Variants in SLC9C2 observed in about 807,000 individuals in gnomAD.
SLC9C2 encodes sodium/hydrogen exchanger 11.
Under a neutral mutation model 140.2 loss-of-function variants are expected in SLC9C2, and 75 were observed. That is an observed-to-expected ratio of 0.53 (90% CI 0.44 to 0.65). The LOEUF is 0.65. Ranked by LOEUF, SLC9C2 falls within the 30% of genes least tolerant of loss-of-function variation. The pLI, the probability that SLC9C2 is intolerant of heterozygous loss-of-function variation, is 0.00. For synonymous variants in SLC9C2, 375 were observed against 420.9 expected, an observed-to-expected ratio of 0.89 and a Z score of 1.34; for missense variants, 1,074 against 1,331.8, an observed-to-expected ratio of 0.81 and a Z score of 3.01.
rs142542878 is a variant in SLC9C2 at position 173,570,579 on chromosome 1, C to T, written c.1046+2603G>A. Among the ~76,000 whole-genome samples the T allele has an allele frequency of 1.6e-3, 236 of 152,002 alleles. 1 individual carries two copies. The highest frequency in any genetic ancestry group is 5.0e-3 in the African/African-American group (206 of 41,450). On this transcript the variant is annotated intron_variant, in intron 9 of 27. Transcript: ENST00000367714. ...TGTCTCACTAGGTCACGCACTGCCC[C>T]GGTCCACTGGCTCTGAGACCAGCAC... is the stretch of plus-strand genomic sequence containing the variant.
chr1:173,560,954 G>A (rs747952748), intron 9 of SLC9C2, among the ~76,000 whole-genome samples: 4 of 151,788 alleles, frequency 2.6e-5, no homozygotes, highest in African/African-American at 4.8e-5. Flanking sequence ...GTGCAACCAC[G>A]CCCAGCTAAT....
chr1:173,551,200 T>C (rs1414194003), intron 11 of SLC9C2, among the ~76,000 whole-genome samples: 2 of 152,174 alleles, frequency 1.3e-5, no homozygotes, highest in African/African-American at 2.4e-5. Flanking sequence ...CCTTCAACAT[T>C]ATCCTTCCTT....
intron 13 of SLC9C2, among the ~76,000 whole-genome samples, chr1:173,540,025 C>G (rs1424537626): frequency 6.6e-6 from 1 of 152,118 alleles, no homozygotes; most frequent in East Asian, 1.9e-4. Flanking sequence ...TTTGCTTTGA[C>G]TAATAAAATG....
At position 173,530,054 on chromosome 1, in the gene SLC9C2, T is replaced by G. The variant is rs780503354; in HGVS notation, c.2164A>C (p.Ile722Leu). ...RIIRFLPLFK[I>L]IVPILIRIAD... ...ATTCTTATCAGTATTGGTACTATTA[T>G]CTGGAATAATGAGAAGAAGAAAAAA... is the stretch of plus-strand genomic sequence containing the variant. Residue 722 changes from isoleucine to leucine, a missense_variant and splice_region_variant, in exon 18 of 28, where the codon ATA becomes CTA. Ile to Leu is a conservative substitution (Grantham distance 5). Coordinates refer to ENST00000367714, the MANE Select transcript of SLC9C2 (RefSeq NM_178527.4). The G allele has an allele frequency of 1.3e-6, 2 of 1,582,054 alleles. No individual in the cohort carries two copies. Among genetic ancestry groups the G allele is most frequent in the Non-Finnish European group, 1.7e-6 (2 of 1,171,452 alleles).
intron 23 of SLC9C2, among the ~76,000 whole-genome samples, chr1:173,510,605 G>A (rs888881578): frequency 5.3e-5 from 8 of 152,158 alleles, no homozygotes; most frequent in Admixed American, 3.9e-4. Context: ...CTGTTCCTGT[G>A]TAAGTTTGCT....
intron 5 of SLC9C2, among the ~76,000 whole-genome samples, chr1:173,587,201 C>A (rs538519985): frequency 5.5e-4 from 84 of 152,056 alleles, no homozygotes; most frequent in Non-Finnish European, 9.6e-4. Context: ...TGAAGATAAA[C>A]TATAAACCCC....
In SLC9C2 at chr1:173,534,834, A is replaced by G. The variant is rs570893467; in HGVS notation, c.1776-152T>C. ...CAAAAATCAAAAGCATATTTTCTAT[A>G]CATAAAAATCATAATGAAGAAAGGT... On this transcript the variant is annotated intron_variant, in intron 15 of 27. Coordinates refer to ENST00000367714, the MANE Select transcript of SLC9C2 (RefSeq NM_178527.4). 10 of 634,098 alleles carry G rather than the reference A, an allele frequency of 1.6e-5. No homozygotes were observed. The South Asian group carries it at 3.6e-4, about 23-fold the overall frequency. 39.3% of individuals were successfully genotyped at this position (634,098 alleles called of 1,614,324 possible).
At chr1:173,599,362 A>ATTTGTTTTTTTT (rs1666635971) in intron 3 of SLC9C2, among the ~76,000 whole-genome samples, 1 of 68,082 alleles carries the variant, frequency 1.5e-5, no homozygotes, top group African/African-American at 4.7e-5. Context: ...ATTTTCCTTG[A>ATTTGTTTTTTTT]TTTTTTTTTT....
intron 11 of SLC9C2, among the ~76,000 whole-genome samples, chr1:173,550,704 T>C (rs1265839450): frequency 6.6e-6 from 1 of 151,780 alleles, no homozygotes; most frequent in African/African-American, 2.4e-5. Flanking sequence ...TCCAAAGTGT[T>C]GAGATTACAG....
chr1:173,535,773 A>G, intron 15 of SLC9C2, 57 bp downstream of exon 15: 1 of 1,435,952 alleles, frequency 7.0e-7, no homozygotes, highest in South Asian at 1.3e-5. Context: ...CTATTATGAC[A>G]ATGTAGAAAT....
At chr1:173,545,093 T>G (rs914052371) in intron 13 of SLC9C2, among the ~76,000 whole-genome samples, 1 of 152,202 alleles carries the variant, frequency 6.6e-6, no homozygotes, top group African/African-American at 2.4e-5. Context: ...TGAAGGCCCT[T>G]TGTTAAGACC....
At chr1:173,581,740 G>T in intron 7 of SLC9C2, 107 bp downstream of exon 7, 1 of 859,496 alleles carries the variant, frequency 1.2e-6, no homozygotes. Flanking sequence ...GACACACAGT[G>T]GGGCCACAAA....
At chr1:173,522,097 G>A (rs551409926) in intron 21 of SLC9C2, among the ~76,000 whole-genome samples, 21 of 151,762 alleles carry the variant, frequency 1.4e-4, no homozygotes, top group Admixed American at 4.6e-4. Context: ...GCGTAGTGGC[G>A]GGCGCCTGTA....
At chr1:173,525,835 A>G (rs1020463353) in intron 19 of SLC9C2, among the ~76,000 whole-genome samples, 41 of 152,370 alleles carry the variant, frequency 2.7e-4, no homozygotes, top group African/African-American at 9.6e-4. Context: ...TTAAAAGCAC[A>G]GAAATAAAAA....
chr1:173,598,716 G>A (rs1456240590), intron 3 of SLC9C2, among the ~76,000 whole-genome samples: 2 of 152,170 alleles, frequency 1.3e-5, no homozygotes, highest in African/African-American at 4.8e-5. Flanking sequence ...ATGGGTTGCT[G>A]TGAGAGTGAA....
intron 11 of SLC9C2, among the ~76,000 whole-genome samples, chr1:173,549,031 A>T (rs990393030): frequency 6.6e-6 from 1 of 152,202 alleles, no homozygotes; most frequent in Non-Finnish European, 1.5e-5. Context: ...CAAGTTTAAC[A>T]TCTCTGTTTT....
At chr1:173,573,882 C>A (rs966197621) in intron 8 of SLC9C2, among the ~76,000 whole-genome samples, 2 of 152,208 alleles carry the variant, frequency 1.3e-5, no homozygotes, top group Admixed American at 6.5e-5. Flanking sequence ...ATGAAAGCAT[C>A]TTAAGCACCC....
intron 4 of SLC9C2, among the ~76,000 whole-genome samples, chr1:173,592,525 G>C (rs1021462885): frequency 3.9e-5 from 6 of 152,078 alleles, no homozygotes; most frequent in African/African-American, 1.4e-4. Context: ...TGTCTTCTCT[G>C]ATTACTTTTA....
At chr1:173,539,122 T>C (rs915703518) in intron 13 of SLC9C2, among the ~76,000 whole-genome samples, 5 of 152,198 alleles carry the variant, frequency 3.3e-5, no homozygotes, top group Non-Finnish European at 5.9e-5. Context: ...AATTTGAGCA[T>C]GGAAACTTCT....
Sources: gnomAD v4.1 joint callset for allele counts (sites outside exome capture counted in the v4.1 genomes callset) on GRCh38, gnomAD v4.1.1 for gene constraint, MANE v1.5 for transcripts, NCBI Gene and HGNC (gene_info 2026-07-23, HGNC 2026-07-21) for gene names.